The following CENPW variants were observed in gnomAD, a reference collection of about 807,000 sequenced individuals.
The protein encoded by CENPW is centromere protein W, also known as cancer-up-regulated gene 2 protein.
CENPW carries 3 observed loss-of-function variants against 11.1 expected under a neutral mutation model. That is an observed-to-expected ratio of 0.27 (90% CI 0.12 to 0.70). CENPW has a LOEUF of 0.70. Ranked by LOEUF, CENPW falls within the 30% of genes least tolerant of loss-of-function variation. CENPW has a pLI of 0.77. For missense variants in CENPW, 100 were observed against 105.6 expected (o/e 0.95, Z 0.23); for synonymous variants, 38 against 42.0 (o/e 0.91, Z 0.37).
At chr6:126,453,454 C>A in the CENPW span, among the ~76,000 whole-genome samples, 2 of 151,212 alleles carry the variant, frequency 1.3e-5, no homozygotes, top group African/African-American at 4.8e-5. Flanking sequence ...TCCAGCCAAA[C>A]TAAGCTTCAT....
At chr6:126,349,698 T>C (rs1780468962), downstream of CENPW, among the ~76,000 whole-genome samples, 1 of 152,162 alleles carries the variant, frequency 6.6e-6, no homozygotes, top group South Asian at 2.1e-4. Context: ...TGTATAACTA[T>C]TCACTTAAAT....
the CENPW span, among the ~76,000 whole-genome samples, chr6:126,368,148 G>C: frequency 1.8e-4 from 28 of 152,264 alleles, no homozygotes; most frequent in African/African-American, 5.8e-4. Flanking sequence ...TATCCCTCTA[G>C]TTGAAAGATA....
At chr6:126,476,614 G>T in the CENPW span, among the ~76,000 whole-genome samples, 1 of 151,904 alleles carries the variant, frequency 6.6e-6, no homozygotes, top group Non-Finnish European at 1.5e-5. Context: ...TATTCCCAAA[G>T]ACCTTGTAAT....
At chr6:126,451,157 T>G in the CENPW span, among the ~76,000 whole-genome samples, 2 of 150,958 alleles carry the variant, frequency 1.3e-5, no homozygotes, top group African/African-American at 4.9e-5. Flanking sequence ...ATATTAGAAA[T>G]TTTTCTACAT....
chr6:126,428,694 T>G, the CENPW span, among the ~76,000 whole-genome samples: 1 of 152,332 alleles, frequency 6.6e-6, no homozygotes, highest in South Asian at 2.1e-4. Context: ...TTTTAAAAAT[T>G]TTCTTTTACT....
chr6:126,365,552 C>G, the CENPW span, among the ~76,000 whole-genome samples: 1 of 152,108 alleles, frequency 6.6e-6, no homozygotes, highest in Admixed American at 6.5e-5. Flanking sequence ...GGAAGTCCGC[C>G]CCTCTGAACC....
the CENPW span, among the ~76,000 whole-genome samples, chr6:126,432,594 A>G: frequency 6.6e-6 from 1 of 152,146 alleles, no homozygotes; most frequent in African/African-American, 2.4e-5. Context: ...TCCTTATTGT[A>G]CTGACTATCA....
At chr6:126,411,111 CAT>C in the CENPW span, among the ~76,000 whole-genome samples, 1 of 152,042 alleles carries the variant, frequency 6.6e-6, no homozygotes, top group African/African-American at 2.4e-5. Context: ...TTACCTCTTC[CAT>C]AGTTTCTAGA....
At chr6:126,401,033 A>G in the CENPW span, among the ~76,000 whole-genome samples, 2 of 152,202 alleles carry the variant, frequency 1.3e-5, no homozygotes, top group East Asian at 1.9e-4. Flanking sequence ...GGTTACATCC[A>G]AGTCTGGTTT....
chr6:126,382,442 T>C, the CENPW span, among the ~76,000 whole-genome samples: 1 of 152,056 alleles, frequency 6.6e-6, no homozygotes, highest in Non-Finnish European at 1.5e-5. Flanking sequence ...TTAACTGGGC[T>C]GAGATGGCTG....
chr6:126,425,572 A>G, the CENPW span, among the ~76,000 whole-genome samples: 1 of 152,030 alleles, frequency 6.6e-6, no homozygotes, highest in African/African-American at 2.4e-5. Flanking sequence ...TAGTATTGTA[A>G]TGGTATTTTT....
At chr6:126,362,531 T>G in the CENPW span, among the ~76,000 whole-genome samples, 1 of 152,180 alleles carries the variant, frequency 6.6e-6, no homozygotes, top group Non-Finnish European at 1.5e-5. Context: ...TCTCCAAAGA[T>G]CTACCCAAAT....
At chr6:126,388,619 G>T in the CENPW span, among the ~76,000 whole-genome samples, 1 of 152,068 alleles carries the variant, frequency 6.6e-6, no homozygotes, top group South Asian at 2.1e-4. Context: ...AGTTTCAGCT[G>T]TCTGAGAGAA....
chr6:126,396,061 A>G, the CENPW span, among the ~76,000 whole-genome samples: 1 of 152,098 alleles, frequency 6.6e-6, no homozygotes, highest in South Asian at 2.1e-4. Context: ...CTCACTCAAG[A>G]ATCTAGGGCT....
the CENPW span, among the ~76,000 whole-genome samples, chr6:126,415,661 G>T: frequency 6.6e-6 from 1 of 152,140 alleles, no homozygotes; most frequent in East Asian, 1.9e-4. Context: ...GGTCTTTCTC[G>T]TGCTGTTCTC....
chr6:126,436,587 G>T, the CENPW span, among the ~76,000 whole-genome samples: 1 of 151,746 alleles, frequency 6.6e-6, no homozygotes, highest in African/African-American at 2.4e-5. Flanking sequence ...TAGGGTCCAA[G>T]CTCCTGAAAT....
chr6:126,366,011 A>G, the CENPW span, among the ~76,000 whole-genome samples: 1 of 152,186 alleles, frequency 6.6e-6, no homozygotes, highest in Non-Finnish European at 1.5e-5. Flanking sequence ...ATGAGGAAAA[A>G]CATTAGTTTT....
chr6:126,364,312 T>C, the CENPW span, among the ~76,000 whole-genome samples: 2 of 152,170 alleles, frequency 1.3e-5, no homozygotes, highest in Non-Finnish European at 1.5e-5. Flanking sequence ...CAGAAACCTG[T>C]GTCCAAATGT....
chr6:126,425,956 T>C, the CENPW span, among the ~76,000 whole-genome samples: 4 of 152,168 alleles, frequency 2.6e-5, no homozygotes, highest in East Asian at 3.9e-4. Context: ...AATTACCTTA[T>C]GTATTACAAA....
Sources: gnomAD v4.1 joint callset for allele counts (sites outside exome capture counted in the v4.1 genomes callset) on GRCh38, gnomAD v4.1.1 for gene constraint, MANE v1.5 for transcripts, NCBI Gene and HGNC (gene_info 2026-07-23, HGNC 2026-07-21) for gene names.